MACROD2: variants seen among roughly 807,000 people sequenced by gnomAD.
MACROD2 encodes the protein ADP-ribose glycohydrolase MACROD2.
Under a neutral mutation model 70.4 loss-of-function variants are expected in MACROD2, and 36 were observed. The ratio of observed to expected loss-of-function variants is 0.51; its 90% CI spans 0.39 to 0.68. MACROD2 has a LOEUF of 0.68. Among genes scored for constraint, MACROD2 ranks in the 30% least tolerant of loss-of-function variants. MACROD2 has a pLI of 0.00. For missense variants in MACROD2, 496 were observed against 538.4 expected, an observed-to-expected ratio of 0.92 and a Z score of 0.78; for synonymous variants, 172 against 178.8, an observed-to-expected ratio of 0.96 and a Z score of 0.30.
At chr20:14,179,937 A>C (rs1038499361) in intron 3 of MACROD2, among the ~76,000 whole-genome samples, 5 of 152,094 alleles carry the variant, frequency 3.3e-5, no homozygotes, top group Non-Finnish European at 4.4e-5. Flanking sequence ...ATAAGATATA[A>C]TTTTCCATTT....
chr20:15,923,917 T>C (rs1183839454), intron 10 of MACROD2, among the ~76,000 whole-genome samples: 1 of 152,226 alleles, frequency 6.6e-6, no homozygotes, highest in African/African-American at 2.4e-5. Flanking sequence ...AAAGCCATTA[T>C]TGGAAATCTG....
chr20:15,290,235 C>G (rs930750369), intron 6 of MACROD2, among the ~76,000 whole-genome samples: 39 of 152,206 alleles, frequency 2.6e-4, no homozygotes, highest in African/African-American at 8.9e-4. Flanking sequence ...AATTTTCTCC[C>G]CATAAGAAGT....
intron 5 of MACROD2, among the ~76,000 whole-genome samples, chr20:14,722,287 A>G (rs1400709420): frequency 1.3e-5 from 2 of 152,094 alleles, no homozygotes; most frequent in Non-Finnish European, 2.9e-5. Flanking sequence ...AATATAGTCC[A>G]CTCCTAGTGG....
At chr20:15,821,169 T>C (rs1189524675) in intron 8 of MACROD2, among the ~76,000 whole-genome samples, 1 of 152,212 alleles carries the variant, frequency 6.6e-6, no homozygotes, top group East Asian at 1.9e-4. Context: ...ACTTCGTGTA[T>C]ATATTTCCTT....
At chr20:14,449,780 C>T (rs2084224381) in intron 3 of MACROD2, among the ~76,000 whole-genome samples, 1 of 152,102 alleles carries the variant, frequency 6.6e-6, no homozygotes, top group Non-Finnish European at 1.5e-5. Context: ...GTCCAAATCA[C>T]ATAGCTAGTA....
chr20:15,007,086 C>T (rs1328905468), intron 5 of MACROD2, among the ~76,000 whole-genome samples: 1 of 152,030 alleles, frequency 6.6e-6, no homozygotes, highest in African/African-American at 2.4e-5. Context: ...CAGGAGAGGC[C>T]GGGCGCAGTG....
chr20:15,245,987 G>A (rs1351225392), intron 6 of MACROD2, among the ~76,000 whole-genome samples: 1 of 152,158 alleles, frequency 6.6e-6, no homozygotes, highest in Non-Finnish European at 1.5e-5. Context: ...AGATAATAGT[G>A]TGCATCTTTC....
At chr20:15,420,036 C>T (rs1295179987) in intron 6 of MACROD2, among the ~76,000 whole-genome samples, 2 of 152,158 alleles carry the variant, frequency 1.3e-5, no homozygotes, top group African/African-American at 4.8e-5. Flanking sequence ...TGCACATTCT[C>T]TTGGGTCCAG....
chr20:14,311,928 T>C (rs2082571173), intron 3 of MACROD2, among the ~76,000 whole-genome samples: 1 of 152,224 alleles, frequency 6.6e-6, no homozygotes, highest in African/African-American at 2.4e-5. Flanking sequence ...CTTTGTACAC[T>C]GTTTTGTGAA....
intron 6 of MACROD2, among the ~76,000 whole-genome samples, chr20:15,267,844 T>C (rs918093420): frequency 1.3e-5 from 2 of 152,170 alleles, no homozygotes; most frequent in Admixed American, 1.3e-4. Flanking sequence ...TGGGTGGACC[T>C]GGGATTCAAT....
At chr20:14,695,951 G>T (rs1329100628) in intron 5 of MACROD2, among the ~76,000 whole-genome samples, 1 of 152,172 alleles carries the variant, frequency 6.6e-6, no homozygotes, top group East Asian at 1.9e-4. Flanking sequence ...TGATCCTGAA[G>T]TTTATAAAGC....
chr20:15,983,065 A>T (rs941543845), intron 13 of MACROD2, among the ~76,000 whole-genome samples: 5 of 152,238 alleles, frequency 3.3e-5, no homozygotes, highest in Non-Finnish European at 7.3e-5. Flanking sequence ...TGGGGCCAAC[A>T]TGAGTTTTTC....
At chr20:15,104,864 C>G (rs1374919202) in intron 5 of MACROD2, among the ~76,000 whole-genome samples, 2 of 152,118 alleles carry the variant, frequency 1.3e-5, no homozygotes, top group Non-Finnish European at 2.9e-5. Flanking sequence ...CCATTTAAAA[C>G]TGCATTTTGA....
chr20:14,648,161 A>G (rs984271979), intron 4 of MACROD2, among the ~76,000 whole-genome samples: 5 of 152,148 alleles, frequency 3.3e-5, no homozygotes, highest in African/African-American at 4.8e-5. Flanking sequence ...GGTCAGGATT[A>G]TAACTCAAAA....
intron 3 of MACROD2, among the ~76,000 whole-genome samples, chr20:14,159,472 T>A (rs2055152796): frequency 6.6e-6 from 1 of 152,180 alleles, no homozygotes; most frequent in African/African-American, 2.4e-5. Flanking sequence ...TCTTAGGTAT[T>A]TTTTTGTGGC....
chr20:15,551,834 A>C (rs2048101892), intron 8 of MACROD2, among the ~76,000 whole-genome samples: 1 of 145,754 alleles, frequency 6.9e-6, no homozygotes, highest in African/African-American at 2.6e-5. Flanking sequence ...GCATCCCTGC[A>C]CTCCAGCCTG....
intron 8 of MACROD2, among the ~76,000 whole-genome samples, chr20:15,549,994 C>T (rs2048074412): frequency 6.6e-6 from 1 of 151,962 alleles, no homozygotes; most frequent in Admixed American, 6.6e-5. Flanking sequence ...ACTCAAGAAA[C>T]TTGGCATTAA....
intron 12 of MACROD2, among the ~76,000 whole-genome samples, chr20:15,954,372 T>C (rs773750763): frequency 6.6e-6 from 1 of 152,112 alleles, no homozygotes; most frequent in Non-Finnish European, 1.5e-5. Context: ...CTTTCTCTGG[T>C]CATCTTTTTG....
intron 15 of MACROD2, among the ~76,000 whole-genome samples, chr20:16,035,118 A>ATATT (rs1401921763): frequency 2.7e-4 from 21 of 77,498 alleles, no homozygotes; most frequent in East Asian, 5.7e-4. Context: ...TATAAAATAT[A>ATATT]ATATAAAATA....
Sources: allele counts gnomAD v4.1 joint callset (sites outside exome capture counted in the v4.1 genomes callset), GRCh38; gene constraint gnomAD v4.1.1; transcripts MANE v1.5; gene names NCBI Gene and HGNC (gene_info 2026-07-23, HGNC 2026-07-21).